Variants in GMDS observed in about 807,000 individuals in gnomAD.
GMDS encodes GDP-mannose 4,6-dehydratase.
In GMDS, 20 loss-of-function variants were observed where a neutral mutation model predicts 49.9. The ratio of observed to expected loss-of-function variants is 0.40; its 90% CI spans 0.28 to 0.58. The LOEUF is 0.58. GMDS is among the 20% of genes least tolerant of loss of function. GMDS has a pLI of 0.42. For missense variants in GMDS, 362 were observed against 481.4 expected, an observed-to-expected ratio of 0.75 and a Z score of 2.32; for synonymous variants, 177 against 178.6, an observed-to-expected ratio of 0.99 and a Z score of 0.07.
At chr6:2,216,637 A>G (rs1780347203) in intron 1 of GMDS, among the ~76,000 whole-genome samples, 1 of 152,222 alleles carries the variant, frequency 6.6e-6, no homozygotes, top group Non-Finnish European at 1.5e-5. Flanking sequence ...AGACAGGAGG[A>G]GCACTTGAGC....
chr6:1,876,673 G>GTA (rs1759084076), intron 7 of GMDS, among the ~76,000 whole-genome samples: 1 of 152,154 alleles, frequency 6.6e-6, no homozygotes, highest in Non-Finnish European at 1.5e-5. Flanking sequence ...TTATTCATAG[G>GTA]AAAGCCTTCT....
At chr6:1,872,596 A>C (rs755662353) in intron 7 of GMDS, among the ~76,000 whole-genome samples, 1 of 152,218 alleles carries the variant, frequency 6.6e-6, no homozygotes, top group Non-Finnish European at 1.5e-5. Flanking sequence ...CAGCCCACAA[A>C]CTGGCTAGTC....
chr6:1,995,616 T>C (rs1160916882), intron 4 of GMDS, among the ~76,000 whole-genome samples: 1 of 152,158 alleles, frequency 6.6e-6, no homozygotes, highest in Non-Finnish European at 1.5e-5. Context: ...CATTTAATCT[T>C]CCACCACTGC....
chr6:1,685,707 C>T (rs760896395), intron 9 of GMDS, among the ~76,000 whole-genome samples: 4 of 151,832 alleles, frequency 2.6e-5, no homozygotes, highest in Admixed American at 1.3e-4. Flanking sequence ...TTGCTCAGAA[C>T]GTGGCCATAA....
intron 8 of GMDS, among the ~76,000 whole-genome samples, chr6:1,737,996 CCACA>C (rs1212464966): frequency 9.5e-4 from 133 of 140,170 alleles, no homozygotes; most frequent in African/African-American, 3.2e-3. Context: ...CACAAACACA[CCACA>C]CACACAGACA....
chr6:2,082,163 TACACACACGTGTGCGCAC>T (rs1772751728), intron 4 of GMDS, among the ~76,000 whole-genome samples: 1 of 152,126 alleles, frequency 6.6e-6, no homozygotes, highest in Non-Finnish European at 1.5e-5. Flanking sequence ...TTCCCTACTT[TACACACACGTGTGCGCAC>T]ACACACACAA....
chr6:2,187,060 G>C (rs1405509632), intron 1 of GMDS, among the ~76,000 whole-genome samples: 1 of 152,012 alleles, frequency 6.6e-6, no homozygotes, highest in Non-Finnish European at 1.5e-5. Flanking sequence ...CCTCTATATT[G>C]TGTATATTGT....
intron 6 of GMDS, among the ~76,000 whole-genome samples, chr6:1,944,931 C>T (rs1271392927): frequency 6.6e-6 from 1 of 152,070 alleles, no homozygotes; most frequent in Non-Finnish European, 1.5e-5. Flanking sequence ...TAAATATAGG[C>T]AATACCCTGA....
rs1012499494 is a variant in GMDS, at chr6:1,624,132, T to C, written c.*37A>G. 4 of 1,583,586 alleles carry C rather than the reference T, an allele frequency of 2.5e-6. No individual in the cohort carries two copies. Among genetic ancestry groups the C allele is most frequent in the African/African-American group, 1.3e-5 (1 of 74,446 alleles). On this transcript the variant is annotated 3_prime_UTR_variant, in exon 11 of 11. Coordinates refer to ENST00000380815, the MANE Select transcript of GMDS (RefSeq NM_001500.4). ...GTCTGCACCGGAGACTCTGCGGGGA[T>C]TGTAGCCGGAGGGCGGGCCGGGCTC... is the stretch of plus-strand genomic sequence containing the variant.
chr6:2,133,395 G>T (rs1775843678), intron 1 of GMDS, among the ~76,000 whole-genome samples: 2 of 152,248 alleles, frequency 1.3e-5, no homozygotes, highest in Middle Eastern at 6.8e-3. Context: ...AAATACTGAT[G>T]ACTATATCTT....
At chr6:1,772,343 T>C (rs940745085) in intron 7 of GMDS, among the ~76,000 whole-genome samples, 1 of 152,216 alleles carries the variant, frequency 6.6e-6, no homozygotes, top group African/African-American at 2.4e-5. Context: ...CTGATGCACA[T>C]AATTTCCTGA....
intron 4 of GMDS, among the ~76,000 whole-genome samples, chr6:2,068,535 A>G (rs556334535): frequency 0.025 from 3,728 of 152,150 alleles, 140 homozygotes; most frequent in African/African-American, 0.084. Flanking sequence ...TCAGCCCAAA[A>G]TCTCCTTAAG....
intron 9 of GMDS, among the ~76,000 whole-genome samples, chr6:1,714,640 C>T (rs1230296072): frequency 6.6e-6 from 1 of 152,196 alleles, no homozygotes; most frequent in African/African-American, 2.4e-5. Flanking sequence ...CTTTGTTCCA[C>T]AAATATAGCC....
At position 1,797,837 on chromosome 6, in the gene GMDS, C is replaced by T. The variant is rs1769799100; in HGVS notation, c.772-55251G>A. Among the ~76,000 whole-genome samples, 3 of 152,130 alleles carry T rather than the reference C, an allele frequency of 2.0e-5. No individual in the cohort carries two copies. The South Asian group carries it at 6.2e-4, about 31-fold the overall frequency. On this transcript the variant is annotated intron_variant, in intron 7 of 10. Coordinates refer to ENST00000380815, the MANE Select transcript of GMDS (RefSeq NM_001500.4). ...CCCCAATGGGCACAGCTTGGAGTGT[C>T]CTCTATAATTACCAGATCCCATGCC...
At position 1,727,418 on chromosome 6, in the gene GMDS, C is replaced by T. The variant is rs1043483372; in HGVS notation, c.891-906G>A. 3.3e-5 allele frequency among the ~76,000 whole-genome samples: 5 copies of T among 152,278 alleles called. No individual in the cohort carries two copies. The East Asian group carries it at 7.7e-4, about 23-fold the overall frequency. On this transcript the variant is annotated intron_variant, in intron 8 of 10. Coordinates refer to ENST00000380815, the MANE Select transcript of GMDS (RefSeq NM_001500.4). ...ACAGAATTTGGGTTATTTATTTTTA[C>T]ATATGAACTTTTTTGCAAAGAAAGA...
chr6:1,963,219 C>T (rs1172537907), intron 4 of GMDS, among the ~76,000 whole-genome samples: 1 of 151,786 alleles, frequency 6.6e-6, no homozygotes, highest in Non-Finnish European at 1.5e-5. Flanking sequence ...CTATGTTGCC[C>T]AGGCTGGAGT....
At chr6:2,034,651 C>T (rs1769180191) in intron 4 of GMDS, among the ~76,000 whole-genome samples, 2 of 152,172 alleles carry the variant, frequency 1.3e-5, no homozygotes, top group South Asian at 4.1e-4. Flanking sequence ...TGATCTAGAA[C>T]AACAGTTCTC....
At chr6:2,216,323 A>G (rs950941901) in intron 1 of GMDS, among the ~76,000 whole-genome samples, 2 of 152,222 alleles carry the variant, frequency 1.3e-5, no homozygotes, top group Non-Finnish European at 2.9e-5. Flanking sequence ...GAGACTAACA[A>G]TCTCATTCCA....
At chr6:1,670,295 C>A (rs1385006440) in intron 9 of GMDS, among the ~76,000 whole-genome samples, 3 of 151,746 alleles carry the variant, frequency 2.0e-5, no homozygotes, top group Non-Finnish European at 4.4e-5. Flanking sequence ...TTGCATACGA[C>A]TTTCAGAAGT....
Sources: gnomAD v4.1 joint callset for allele counts (sites outside exome capture counted in the v4.1 genomes callset) on GRCh38, gnomAD v4.1.1 for gene constraint, MANE v1.5 for transcripts, NCBI Gene and HGNC (gene_info 2026-07-23, HGNC 2026-07-21) for gene names.